LRRK2: variants seen among roughly 807,000 people sequenced by gnomAD.
LRRK2 encodes the protein leucine rich repeat kinase 2.
In LRRK2, 203 loss-of-function variants were observed where a neutral mutation model predicts 302.6. The ratio of observed to expected loss-of-function variants is 0.67; its 90% CI spans 0.60 to 0.75. The LOEUF (loss-of-function observed/expected upper bound fraction) is 0.75, where lower values mean the gene tolerates loss of function less well. Among genes scored for constraint, LRRK2 ranks in the 30% least tolerant of loss-of-function variants. LRRK2 has a pLI of 0.00. For missense variants in LRRK2, 2,830 were observed against 2,951.0 expected, an observed-to-expected ratio of 0.96 and a Z score of 0.95; for synonymous variants, 1,066 against 1,031.9, an observed-to-expected ratio of 1.03 and a Z score of -0.63.
At position 40,309,241 on chromosome 12, in the gene LRRK2, G is replaced by T. The variant is rs1351090050; in HGVS notation, c.4317+8G>T. On this transcript the variant is annotated splice_region_variant and intron_variant, in intron 30 of 50. Transcript: ENST00000298910. ...TGGCTCTTCAATATAAAGGTGATTT[G>T]TTCTGATCATTTGAAAATAGAAAAT... 1.2e-6 allele frequency: 2 copies of T among 1,611,922 alleles called. No homozygotes were observed. The highest frequency in any genetic ancestry group is 2.2e-5 in the East Asian group (1 of 44,848).
At chr12:40,327,658 T>C (rs1014886262) in intron 38 of LRRK2, among the ~76,000 whole-genome samples, 5 of 152,060 alleles carry the variant, frequency 3.3e-5, no homozygotes, top group African/African-American at 1.2e-4. Flanking sequence ...AGTGGAATGA[T>C]AGGAAAATTA....
intron 7 of LRRK2, among the ~76,000 whole-genome samples, chr12:40,243,953 G>T (rs1454966327): frequency 6.6e-6 from 1 of 152,070 alleles, no homozygotes; most frequent in Admixed American, 6.6e-5. Context: ...TTTTATAGAT[G>T]TAGTTCTATA....
At chr12:40,235,028 TTAAAG>T (rs915651189) in intron 3 of LRRK2, among the ~76,000 whole-genome samples, 4 of 152,208 alleles carry the variant, frequency 2.6e-5, no homozygotes, top group African/African-American at 9.7e-5. Context: ...TTTAACTTTA[TTAAAG>T]TATAGTTGAC....
chr12:40,283,985 C>T lies in LRRK2; in HGVS notation c.2352C>T (p.Ser784=). ...ALTISIGKGD[S]QIISLLLRRL... ...CGATAAGCATTGGGAAAGGTGACAG[C>T]CAGATCATCAGCTTGCTCTTAAGGA... Residue 784 remains serine (S), a synonymous_variant, in exon 19 of 51, where the codon AGC becomes AGT. Transcript: ENST00000298910. 8 of 1,613,984 alleles carry T rather than the reference C, an allele frequency of 5.0e-6. No homozygotes were observed. Among genetic ancestry groups the T allele is most frequent in the Non-Finnish European group, 6.8e-6 (8 of 1,179,910 alleles).
In LRRK2 at chr12:40,238,066, A is replaced by C; in HGVS notation, c.534A>C (p.Lys178Asn). Reference sequence around the variant, plus strand: ...TTCCAGCCAATGATGAAGTCCAGAAACTTGGATGCAAAGCTTTACATGTGC... The same window carrying C: ...TTCCAGCCAATGATGAAGTCCAGAACCTTGGATGCAAAGCTTTACATGTGC... ...HSFPANDEVQKLGCKALHVLF... is the reference protein window; with the variant it reads ...HSFPANDEVQNLGCKALHVLF... Residue 178 changes from lysine (K) to asparagine (N), a missense_variant, in exon 5 of 51, where the codon AAA becomes AAC. Around this residue, in one of 3 missense-constraint regions of LRRK2, gnomAD observed 2,121 missense variants for 2,148.0 expected, o/e 0.99. Transcript: ENST00000298910. 6.2e-7 allele frequency: 1 copy of C among 1,613,778 alleles called. No individual in the cohort carries two copies. The highest frequency in any genetic ancestry group is 8.5e-7 in the Non-Finnish European group (1 of 1,179,792).
intron 28 of LRRK2, among the ~76,000 whole-genome samples, chr12:40,307,814 T>C (rs1269776940): frequency 6.0e-5 from 8 of 132,874 alleles, no homozygotes; most frequent in Admixed American, 5.4e-4. Flanking sequence ...TGAGTTTCAC[T>C]CTTGTCACCC....
At position 40,238,127 on chromosome 12, in the gene LRRK2, T is replaced by C. The variant is rs36223559; in HGVS notation, c.571+24T>C. ...AGGTATTTTAAAATGTCAAATTCCT[T>C]AAAGTATATATAAGAAAAAAAGGCT... On this transcript the variant is annotated intron_variant, in intron 5 of 50. Coordinates refer to ENST00000298910, the MANE Select transcript of LRRK2 (RefSeq NM_198578.4). 1.4e-3 allele frequency: 2,271 copies of C among 1,609,566 alleles called. 6 individuals are homozygous for C. The highest frequency in any genetic ancestry group is 1.8e-3 in the Non-Finnish European group (2,090 of 1,177,324).
intron 14 of LRRK2, among the ~76,000 whole-genome samples, chr12:40,266,449 G>T (rs576388232): frequency 6.6e-6 from 1 of 152,160 alleles, no homozygotes; most frequent in Non-Finnish European, 1.5e-5. Flanking sequence ...AAACCACAAT[G>T]ATATACCATC....
chr12:40,319,543 G>C (rs184441728), intron 33 of LRRK2, among the ~76,000 whole-genome samples: 35 of 152,196 alleles, frequency 2.3e-4, no homozygotes, highest in Admixed American at 1.8e-3. Flanking sequence ...CTGCTACACA[G>C]TCTGTCTTCC....
At chr12:40,255,869 T>G (rs1400747052) in intron 11 of LRRK2, among the ~76,000 whole-genome samples, 6 of 152,180 alleles carry the variant, frequency 3.9e-5, no homozygotes. Flanking sequence ...ATTCTGAATG[T>G]GTTTAAAAGG....
At chr12:40,301,150 G>T (rs757605690) in intron 25 of LRRK2, 7 of 455,844 alleles carry the variant, frequency 1.5e-5, no homozygotes, top group Non-Finnish European at 2.6e-5. Flanking sequence ...AATCTTAATA[G>T]TTTGAGAAGT....
chr12:40,321,743 T>C (rs989811028), intron 35 of LRRK2, among the ~76,000 whole-genome samples: 2 of 152,086 alleles, frequency 1.3e-5, no homozygotes, highest in African/African-American at 4.8e-5. Flanking sequence ...AAACTTCTTT[T>C]TAAAAATTAT....
chr12:40,235,797 T>TC, intron 4 of LRRK2, 83 bp downstream of exon 4: 1 of 606,770 alleles, frequency 1.6e-6, no homozygotes, highest in Non-Finnish European at 2.7e-6. Flanking sequence ...GTGTGTGTTT[T>TC]TTTTTTTTTT....
At chr12:40,320,760 C>T (rs1424130783) in intron 34 of LRRK2, among the ~76,000 whole-genome samples, 1 of 151,918 alleles carries the variant, frequency 6.6e-6, no homozygotes, top group African/African-American at 2.4e-5. Flanking sequence ...TATAAGATTA[C>T]ATTTGTCTAT....
chr12:40,269,461 G>C (rs1055891007), intron 14 of LRRK2, among the ~76,000 whole-genome samples: 1 of 152,120 alleles, frequency 6.6e-6, no homozygotes, highest in Non-Finnish European at 1.5e-5. Flanking sequence ...TGAGATAGTA[G>C]TTGCTCCATC....
rs1940793421 is a variant in LRRK2 at position 40,225,039 on chromosome 12, C to A, written c.-93C>A. 1.3e-6 allele frequency: 2 copies of A among 1,536,738 alleles called. No homozygotes were observed. Among genetic ancestry groups the A allele is most frequent in the Non-Finnish European group, 1.8e-6 (2 of 1,124,964 alleles). On this transcript the variant is annotated 5_prime_UTR_variant, in exon 1 of 51. Transcript: ENST00000298910. ...CTGGCTGCGGGCGGTGAGCTGAGCT[C>A]GCCCCCGGGGAGCTGTGGCCGGCGC... is the stretch of plus-strand genomic sequence containing the variant.
intron 14 of LRRK2, among the ~76,000 whole-genome samples, chr12:40,272,151 CAAGTGCTCTGTGAGCA>C (rs1304805454): frequency 5.5e-4 from 83 of 152,274 alleles, no homozygotes; most frequent in African/African-American, 1.9e-3. Flanking sequence ...AGCATTGAAG[CAAGTGCTCTGTGAGCA>C]TGAAGCCCTG....
intron 40 of LRRK2, among the ~76,000 whole-genome samples, chr12:40,339,823 A>G (rs953985290): frequency 1.3e-5 from 2 of 152,218 alleles, no homozygotes; most frequent in African/African-American, 4.8e-5. Context: ...AGAATAGAGA[A>G]AAATTTTAAA....
chr12:40,344,695 T>A (rs1946141393), intron 41 of LRRK2, among the ~76,000 whole-genome samples: 1 of 152,170 alleles, frequency 6.6e-6, no homozygotes, highest in Non-Finnish European at 1.5e-5. Flanking sequence ...GTGCACTTTA[T>A]TAGGGATATG....
Sources: allele counts gnomAD v4.1 joint callset (sites outside exome capture counted in the v4.1 genomes callset), GRCh38; gene constraint gnomAD v4.1.1; regional missense constraint gnomAD v4.1.1; transcripts MANE v1.5; gene names NCBI Gene and HGNC (gene_info 2026-07-23, HGNC 2026-07-21).